The following NOVA1 variants were observed in gnomAD, a reference collection of about 807,000 sequenced individuals.
NOVA1 encodes the protein RNA-binding protein Nova-1.
NOVA1 carries 7 observed loss-of-function variants against 38.0 expected under a neutral mutation model. That is an observed-to-expected ratio of 0.18 (90% CI 0.10 to 0.35). The LOEUF is 0.35. Ranked by LOEUF, NOVA1 falls within the 10% of genes least tolerant of loss-of-function variation. NOVA1 has a pLI of 1.00. For missense variants in NOVA1, 460 were observed against 616.0 expected, an observed-to-expected ratio of 0.75 and a Z score of 2.68; for synonymous variants, 270 against 232.5, an observed-to-expected ratio of 1.16 and a Z score of -1.47.
At chr14:26,554,608 A>G (rs1442855082) in intron 2 of NOVA1, among the ~76,000 whole-genome samples, 1 of 152,208 alleles carries the variant, frequency 6.6e-6, no homozygotes, top group African/African-American at 2.4e-5. Flanking sequence ...AAGAAACAAA[A>G]AAGAGTGATT....
At chr14:26,542,473 G>A (rs1415331126) in intron 2 of NOVA1, among the ~76,000 whole-genome samples, 3 of 151,720 alleles carry the variant, frequency 2.0e-5, no homozygotes, top group African/African-American at 7.2e-5. Context: ...CTTGAGGAAT[G>A]GCAGAAATTC....
intron 3 of NOVA1, among the ~76,000 whole-genome samples, chr14:26,472,990 C>A (rs1300745286): frequency 6.6e-6 from 1 of 151,650 alleles, no homozygotes; most frequent in African/African-American, 2.4e-5. Flanking sequence ...AATTTAAGGC[C>A]CGTCTGAAAA....
chr14:26,450,967 C>A (rs926593062), intron 4 of NOVA1, among the ~76,000 whole-genome samples: 1 of 152,016 alleles, frequency 6.6e-6, no homozygotes. Flanking sequence ...ATGTATTAAT[C>A]GGCCAAGACT....
At chr14:26,536,080 G>T (rs556516000) in intron 2 of NOVA1, among the ~76,000 whole-genome samples, 13 of 152,158 alleles carry the variant, frequency 8.5e-5, no homozygotes, top group African/African-American at 3.1e-4. Flanking sequence ...AACTGGAGAT[G>T]ATTATGTTAA....
At chr14:26,545,104 C>T (rs777226833) in intron 2 of NOVA1, among the ~76,000 whole-genome samples, 2 of 152,044 alleles carry the variant, frequency 1.3e-5, no homozygotes, top group South Asian at 2.1e-4. Context: ...TCCTGAGTTA[C>T]AGAAACTCTT....
At chr14:26,485,397 T>A (rs533218886) in intron 2 of NOVA1, among the ~76,000 whole-genome samples, 1 of 152,172 alleles carries the variant, frequency 6.6e-6, no homozygotes, top group Non-Finnish European at 1.5e-5. Flanking sequence ...TAATAAGTTA[T>A]AATTTATCAT....
At chr14:26,585,338 C>T (rs565331554) in intron 2 of NOVA1, among the ~76,000 whole-genome samples, 4 of 151,438 alleles carry the variant, frequency 2.6e-5, no homozygotes, top group South Asian at 2.1e-4. Context: ...AAGTTCCACT[C>T]TACTATACAG....
intron 4 of NOVA1, among the ~76,000 whole-genome samples, chr14:26,460,209 G>C (rs1383025823): frequency 6.6e-6 from 1 of 151,658 alleles, no homozygotes; most frequent in Non-Finnish European, 1.5e-5. Flanking sequence ...ACTAGTAATG[G>C]GAGGTTGATT....
chr14:26,453,944 G>C (rs1237649998), intron 4 of NOVA1, among the ~76,000 whole-genome samples: 1 of 152,046 alleles, frequency 6.6e-6, no homozygotes, highest in African/African-American at 2.4e-5. Flanking sequence ...TCATTCAGTT[G>C]GTATCCAATC....
chr14:26,529,127 GC>G lies in NOVA1; in HGVS notation c.281-48985del, dbSNP rs555082906. ...GTGTAGTATCTAATGAAGTGGTTAT[GC>G]TTTTTTTTTTTTCCTTTTTTTTCTT... On this transcript the variant is annotated intron_variant, in intron 2 of 4. Coordinates refer to ENST00000539517, the MANE Select transcript of NOVA1 (RefSeq NM_002515.3). 7.4e-4 allele frequency among the ~76,000 whole-genome samples: 100 copies of G among 135,640 alleles called. 2 individuals are homozygous for G. The South Asian group carries it at 0.022, about 30-fold the overall frequency. 89.0% of individuals were successfully genotyped at this position (135,640 alleles called of 152,430 possible).
chr14:26,486,575 G>T (rs373751307), intron 2 of NOVA1, among the ~76,000 whole-genome samples: 1 of 150,894 alleles, frequency 6.6e-6, no homozygotes, highest in East Asian at 2.0e-4. Flanking sequence ...CAGGCGTGGT[G>T]GTGGGCACCT....
At chr14:26,487,972 G>A (rs1886048343) in intron 2 of NOVA1, among the ~76,000 whole-genome samples, 1 of 152,010 alleles carries the variant, frequency 6.6e-6, no homozygotes, top group Non-Finnish European at 1.5e-5. Context: ...TTATACCACT[G>A]TACAGTTACG....
At position 26,480,093 on chromosome 14, in the gene NOVA1, C is replaced by T; in HGVS notation, c.331G>A (p.Ala111Thr). 1.2e-6 allele frequency: 2 copies of T among 1,613,922 alleles called. No homozygotes were observed. Among genetic ancestry groups the T allele is most frequent in the Non-Finnish European group, 1.7e-6 (2 of 1,179,890 alleles). Residue 111 changes from alanine to threonine, a missense_variant, in exon 3 of 5, where the codon GCA (alanine) becomes ACA (threonine). By Grantham distance (58) the Ala-to-Thr change is moderately conservative. Coordinates refer to ENST00000539517, the MANE Select transcript of NOVA1 (RefSeq NM_002515.3). The part of the protein sequence containing the change: ...LIQGTVEALN[A>T]VHGFIAEKIR... ...TTTTCTGCAATGAATCCATGAACTGCATTCAGTGCTTCAACCGTTCCCTGG... is the reference window on the plus strand; with the variant it reads ...TTTTCTGCAATGAATCCATGAACTGTATTCAGTGCTTCAACCGTTCCCTGG...
chr14:26,455,556 CCAGA>C (rs979395686), intron 4 of NOVA1, among the ~76,000 whole-genome samples: 27 of 152,088 alleles, frequency 1.8e-4, no homozygotes, highest in East Asian at 3.9e-4. Context: ...ACTGAATTAC[CCAGA>C]CAATTTTCTA....
intron 2 of NOVA1, chr14:26,593,236 C>T (rs1410657945): frequency 6.6e-6 from 1 of 151,744 alleles, no homozygotes; most frequent in African/African-American, 2.4e-5. Context: ...GTGTCCCTTA[C>T]GTACATCTGA....
At chr14:26,588,999 A>T (rs1264977946) in intron 2 of NOVA1, among the ~76,000 whole-genome samples, 1 of 151,508 alleles carries the variant, frequency 6.6e-6, no homozygotes, top group Non-Finnish European at 1.5e-5. Context: ...AAACAAAAAA[A>T]TAGAAAAAAA....
chr14:26,568,551 C>A (rs1277239390), intron 2 of NOVA1: 1 of 152,076 alleles, frequency 6.6e-6, no homozygotes, highest in African/African-American at 2.4e-5. Flanking sequence ...GAAACCCAGC[C>A]AATTCTCCTG....
chr14:26,452,721 C>T (rs1324206944), intron 4 of NOVA1, among the ~76,000 whole-genome samples: 3 of 152,126 alleles, frequency 2.0e-5, no homozygotes, highest in Non-Finnish European at 4.4e-5. Flanking sequence ...ATGTATAAAA[C>T]TAAGTCAGAT....
intron 2 of NOVA1, among the ~76,000 whole-genome samples, chr14:26,481,988 T>TAAAAAAAAAAAAAAAAA (rs372806170): frequency 6.7e-4 from 71 of 105,922 alleles, no homozygotes; most frequent in Non-Finnish European, 9.0e-4. Flanking sequence ...TAGATAGAGA[T>TAAAAAAAAAAAAAAAAA]AAAAAAAAAA....
Sources: allele counts gnomAD v4.1 joint callset (sites outside exome capture counted in the v4.1 genomes callset), GRCh38; gene constraint gnomAD v4.1.1; transcripts MANE v1.5; gene names NCBI Gene and HGNC (gene_info 2026-07-23, HGNC 2026-07-21).